The following TET3 variants were observed in gnomAD, a reference collection of about 807,000 sequenced individuals.
TET3 encodes methylcytosine dioxygenase TET3.
Under a neutral mutation model 141.4 loss-of-function variants are expected in TET3, and 19 were observed. The ratio of observed to expected loss-of-function variants is 0.13; its 90% confidence interval spans 0.09 to 0.20. The LOEUF (loss-of-function observed/expected upper bound fraction) is 0.20. Ranked by LOEUF, TET3 falls within the 10% of genes least tolerant of loss-of-function variation. The probability of loss-of-function intolerance (pLI) is 1.00; values close to 1 mark genes in which losing one functional copy is unlikely to be tolerated. For synonymous variants in TET3, 1,043 were observed against 980.9 expected (o/e 1.06, Z -1.18); for missense variants, 1,874 against 2,356.9 (o/e 0.80, Z 4.24).
intron 2 of TET3, among the ~76,000 whole-genome samples, chr2:74,001,873 G>C (rs995452394): frequency 2.0e-5 from 3 of 152,142 alleles, no homozygotes; most frequent in African/African-American, 7.2e-5. Context: ...TGGGGTCTTG[G>C]GGGTTACCTC....
At chr2:74,002,732 C>G in intron 2 of TET3, 1 of 524,942 alleles carries the variant, frequency 1.9e-6, no homozygotes, top group Non-Finnish European at 3.3e-6. Flanking sequence ...CAGTGCCTCC[C>G]TCCGTGCGCT....
intron 3 of TET3, among the ~76,000 whole-genome samples, chr2:74,032,449 CTCTGTGTGTGTG>C (rs1686751281): frequency 9.5e-5 from 4 of 42,078 alleles, no homozygotes; most frequent in South Asian, 5.4e-4. Context: ...AGGGGTGTGT[CTCTGTGTGTGTG>C]TGTGTGTGTG....
At chr2:74,003,291 G>A in intron 3 of TET3, 125 bp downstream of exon 3, 1 of 1,285,704 alleles carries the variant, frequency 7.8e-7, no homozygotes, top group Non-Finnish European at 1.1e-6. Flanking sequence ...GTGTGTAGCA[G>A]CAGCTGAGGG....
the TET3 span, among the ~76,000 whole-genome samples, chr2:74,132,201 G>A: frequency 5.4e-4 from 82 of 152,228 alleles, no homozygotes; most frequent in Non-Finnish European, 8.4e-4. Context: ...CCAGCTAGAG[G>A]CTGCAATTTT....
chr2:74,126,500 A>ATTTTTTT, the TET3 span, among the ~76,000 whole-genome samples: 8 of 120,966 alleles, frequency 6.6e-5, no homozygotes, highest in African/African-American at 2.3e-4. Context: ...TATTTGCTGG[A>ATTTTTTT]TTTTTTTTTT....
chr2:74,021,336 G>A (rs892076514), intron 3 of TET3, among the ~76,000 whole-genome samples: 5 of 152,228 alleles, frequency 3.3e-5, no homozygotes, highest in East Asian at 1.9e-4. Context: ...AGAGCAGAGC[G>A]CATTCTGGCA....
chr2:73,993,890 A>C (rs1558693128), intron 2 of TET3: 1 of 152,212 alleles, frequency 6.6e-6, no homozygotes, highest in Non-Finnish European at 1.5e-5. Flanking sequence ...TGTCCATAGA[A>C]TCTTAGGTCT....
chr2:73,999,421 A>G (rs906135854), intron 2 of TET3, among the ~76,000 whole-genome samples: 10 of 152,140 alleles, frequency 6.6e-5, no homozygotes, highest in African/African-American at 2.2e-4. Flanking sequence ...GGGGCCTGAC[A>G]TGGGGTTGGT....
At chr2:74,053,442 T>C (rs1382555696) in intron 4 of TET3, among the ~76,000 whole-genome samples, 1 of 152,190 alleles carries the variant, frequency 6.6e-6, no homozygotes, top group Non-Finnish European at 1.5e-5. Flanking sequence ...AGTCACCATC[T>C]TAGAGATGAG....
rs539837507 is a variant in TET3 at position 73,988,152 on chromosome 2, A to G, written c.303+1446A>G. 5.8e-4 allele frequency among the ~76,000 whole-genome samples: 88 copies of G among 152,110 alleles called. 1 individual carries two copies. The highest frequency in any genetic ancestry group is 9.2e-4 in the Admixed American group (14 of 15,278). On this transcript the variant is annotated intron_variant, in intron 2 of 11. Transcript: ENST00000409262. The stretch of plus-strand genomic sequence containing the variant: ...CTTCTCTGTTGCTGGTGTTGGGGGT[A>G]GTTATCGTCCTGCTGGCCCAGTGCC...
chr2:74,132,889 CTTTT>C, the TET3 span, among the ~76,000 whole-genome samples: 1 of 150,834 alleles, frequency 6.6e-6, no homozygotes, highest in African/African-American at 2.4e-5. Flanking sequence ...TTTTTCTTTT[CTTTT>C]TTTTTGTTCT....
chr2:74,101,940 G>A lies in TET3; in HGVS notation c.5152G>A (p.Glu1718Lys). Residue 1718 changes from glutamate (E) to lysine (K), a missense_variant, in exon 12 of 12, where the codon GAG becomes AAG. Physicochemically the swap from Glu to Lys is moderately conservative, Grantham distance 56. Coordinates refer to ENST00000409262, the MANE Select transcript of TET3 (RefSeq NM_001287491.2). This position sits in a 1 kb window ranked among gnomAD's most constrained non-coding sequence, Gnocchi z 8.5. The stretch of plus-strand genomic sequence containing the variant: ...GGAAGCCAAGATGAAGCAGCTGGCG[G>A]AGAGGGCACGGGCACGGCAGGAGGA... The part of the protein sequence containing the change: ...LWEAKMKQLA[E>K]RARARQEEAA... 1 of 1,613,192 alleles carries A rather than the reference G, an allele frequency of 6.2e-7. No homozygotes were observed. The highest frequency in any genetic ancestry group is 8.5e-7 in the Non-Finnish European group (1 of 1,179,614).
the TET3 span, among the ~76,000 whole-genome samples, chr2:74,127,120 TC>T: frequency 6.6e-6 from 1 of 152,196 alleles, no homozygotes; most frequent in Non-Finnish European, 1.5e-5. Context: ...GCTGCTTGCC[TC>T]TACATTCATT....
At chr2:74,076,906 G>T in intron 5 of TET3, among the ~76,000 whole-genome samples, 1 of 152,222 alleles carries the variant, frequency 6.6e-6, no homozygotes, top group East Asian at 1.9e-4. Context: ...TTTGGAGAAA[G>T]GAGGGGAAGG....
intron 3 of TET3, among the ~76,000 whole-genome samples, chr2:74,005,065 G>A (rs1345098472): frequency 2.0e-5 from 3 of 152,158 alleles, no homozygotes; most frequent in East Asian, 1.9e-4. Context: ...GTTTACTCCC[G>A]AAAGCACCCC....
intron 11 of TET3, 79 bp downstream of exon 11, chr2:74,099,691 C>T: frequency 7.4e-7 from 1 of 1,345,872 alleles, no homozygotes; most frequent in Non-Finnish European, 1.0e-6. Context: ...ACGCACCCTC[C>T]TGCATCACAC....
intron 6 of TET3, among the ~76,000 whole-genome samples, chr2:74,084,739 T>C (rs1465004811): frequency 1.3e-5 from 2 of 152,052 alleles, no homozygotes; most frequent in African/African-American, 4.8e-5. Flanking sequence ...AGGCATGAGC[T>C]AACGCACCCA....
chr2:74,096,734 C>CTCCA (rs1442109760), intron 10 of TET3, among the ~76,000 whole-genome samples: 5 of 148,154 alleles, frequency 3.4e-5, no homozygotes, highest in African/African-American at 1.2e-4. Context: ...CGCCACTGCA[C>CTCCA]TCCAGCCTGT....
chr2:74,047,595 T>G lies in TET3; in HGVS notation c.1678T>G (p.Trp560Gly), dbSNP rs982182777. ...APSEPSAPGW[W>G]PPPSSPVPRL... ...TTCAGAGCCTTCTGCTCCTGGCTGG[T>G]GGCCCCCACCAAGTTCACCTGTCCC... The change falls in exon 4 of 12, where the codon TGG becomes GGG. Residue 560 changes from tryptophan to glycine, a missense_variant. This residue lies in a region of TET3 where 484 missense variants were observed against 462.2 expected (regional missense o/e 1.05). Coordinates refer to ENST00000409262, the MANE Select transcript of TET3 (RefSeq NM_001287491.2). The G allele has an allele frequency of 1.9e-6, 3 of 1,613,746 alleles. No homozygotes were observed. In the African/African-American group the frequency reaches 4.0e-5, roughly 22 times the overall value.
Sources: allele counts gnomAD v4.1 joint callset (sites outside exome capture counted in the v4.1 genomes callset), GRCh38; gene constraint gnomAD v4.1.1; regional missense constraint gnomAD v4.1.1; non-coding constraint Gnocchi (gnomAD v3.1); transcripts MANE v1.5; gene names NCBI Gene and HGNC (gene_info 2026-07-23, HGNC 2026-07-21).